CLGN: variants seen among roughly 807,000 people sequenced by gnomAD.
The protein encoded by CLGN is testis tissue sperm-binding protein Li 79P.
CLGN carries 62 observed loss-of-function variants against 79.1 expected under a neutral mutation model. That is an observed-to-expected ratio of 0.78 (90% CI 0.64 to 0.97). The LOEUF is 0.97. Among genes scored for constraint, CLGN ranks in the 50% least tolerant of loss-of-function variants. The probability of loss-of-function intolerance (pLI) is 0.00; values close to 1 mark genes in which losing one functional copy is unlikely to be tolerated. For synonymous variants in CLGN, 225 were observed against 224.7 expected (o/e 1.00, Z -0.01); for missense variants, 647 against 715.5 (o/e 0.90, Z 1.09).
chr4:140,398,434 A>C lies in CLGN; in HGVS notation c.884+417T>G, dbSNP rs111273804. 1.2e-4 allele frequency among the ~76,000 whole-genome samples: 18 copies of C among 151,870 alleles called. 1 individual carries two copies. Among genetic ancestry groups the C allele is most frequent in the African/African-American group, 3.6e-4 (15 of 41,442 alleles). On this transcript the variant is annotated intron_variant, in intron 8 of 14. Coordinates refer to ENST00000325617, the MANE Select transcript of CLGN (RefSeq NM_004362.3). ...ACAGGCACCCGCCGCCATGCCCGCT[A>C]ATTTTTGTGTTTTTAGTAGAGACGG...
At chr4:140,418,329 A>C (rs1729388143) in intron 1 of CLGN, among the ~76,000 whole-genome samples, 1 of 148,864 alleles carries the variant, frequency 6.7e-6, no homozygotes, top group African/African-American at 2.5e-5. Context: ...AAGCAATGGC[A>C]ACAAAAGCCA....
At chr4:140,421,108 T>C (rs1171514608) in intron 1 of CLGN, among the ~76,000 whole-genome samples, 1 of 152,304 alleles carries the variant, frequency 6.6e-6, no homozygotes, top group East Asian at 1.9e-4. Context: ...TGAAGCTTCA[T>C]CCATGTTGTA....
Position 140,392,706 on chromosome 4 carries a change from AC to A in CLGN, c.1370del (p.Gly457ValfsTer3). On this transcript the variant is annotated frameshift_variant, in exon 12 of 15. Coordinates refer to ENST00000325617, the MANE Select transcript of CLGN (RefSeq NM_004362.3). LOFTEE classifies it high-confidence loss of function. ...KIMIANANKP[G>X]VLKQLMAAAE... is the part of the protein sequence containing the mutation. ...CAGCTGCCATTAACTGTTTTAATAC[AC>A]CAGGCTATAGACGAGATAAGCATAA... is the stretch of plus-strand genomic sequence containing the variant. 1 of 1,592,392 alleles carries A rather than the reference AC, an allele frequency of 6.3e-7. No individual in the cohort carries two copies. Among genetic ancestry groups the A allele is most frequent in the Non-Finnish European group, 8.5e-7 (1 of 1,172,756 alleles).
chr4:140,410,133 A>G (rs1367998322), intron 3 of CLGN, among the ~76,000 whole-genome samples: 1 of 152,036 alleles, frequency 6.6e-6, no homozygotes, highest in Admixed American at 6.5e-5. Context: ...GGTACAAGAA[A>G]CCTCGGTTTC....
chr4:140,404,845 C>G (rs1214894713), intron 5 of CLGN, among the ~76,000 whole-genome samples: 1 of 151,578 alleles, frequency 6.6e-6, no homozygotes, highest in Non-Finnish European at 1.5e-5. Flanking sequence ...TTTGTAGAGT[C>G]GGGGTTTTGC....
intron 2 of CLGN, among the ~76,000 whole-genome samples, chr4:140,412,142 A>G (rs557542767): frequency 1.4e-4 from 22 of 152,142 alleles, no homozygotes; most frequent in Non-Finnish European, 2.5e-4. Context: ...CAGAGCTTCA[A>G]TTTAACAGGG....
chr4:140,403,002 T>C (rs943629688), intron 5 of CLGN, among the ~76,000 whole-genome samples: 2 of 152,138 alleles, frequency 1.3e-5, no homozygotes, highest in African/African-American at 4.8e-5. Context: ...TAAAACATGA[T>C]AGTATACAAA....
chr4:140,415,420 G>C (rs1729309141), intron 1 of CLGN, among the ~76,000 whole-genome samples: 1 of 151,592 alleles, frequency 6.6e-6, no homozygotes, highest in Non-Finnish European at 1.5e-5. Flanking sequence ...TGGATAAAGA[G>C]TCAAGACCCA....
chr4:140,389,117 T>C lies in CLGN; in HGVS notation c.*107A>G, dbSNP rs934887153. 4 of 805,460 alleles carry C rather than the reference T, an allele frequency of 5.0e-6. No individual in the cohort carries two copies. Among genetic ancestry groups the C allele is most frequent in the Non-Finnish European group, 8.3e-6 (4 of 483,792 alleles). 49.9% of individuals were successfully genotyped at this position (805,460 alleles called of 1,614,324 possible). ...AATGTCTGAAAGAATATAATGTTGCTAGATATTAGAAACAGGATGTGCAGA... is the reference window on the plus strand; with the variant it reads ...AATGTCTGAAAGAATATAATGTTGCCAGATATTAGAAACAGGATGTGCAGA... On this transcript the variant is annotated 3_prime_UTR_variant, in exon 15 of 15. Transcript: ENST00000325617.
intron 5 of CLGN, among the ~76,000 whole-genome samples, chr4:140,403,736 A>T (rs1456459299): frequency 1.3e-5 from 2 of 152,220 alleles, no homozygotes; most frequent in Non-Finnish European, 2.9e-5. Flanking sequence ...TCCATTTCTT[A>T]TACTGCAAAC....
Position 140,396,176 on chromosome 4 carries a change from T to C in CLGN, c.914A>G (p.Asp305Gly). 1 of 1,614,118 alleles carries C rather than the reference T, an allele frequency of 6.2e-7. No homozygotes were observed. The highest frequency in any genetic ancestry group is 8.5e-7 in the Non-Finnish European group (1 of 1,179,972). ...WDESEPAQIE[D>G]SSVVKPAGWL... The stretch of plus-strand genomic sequence containing the variant: ...GCCAGCAGGTTTAACAACACTTGAA[T>C]CTTCTATTTGGGCAGGTTCACTTTC... The change falls in exon 9 of 15, where the codon GAT becomes GGT. Residue 305 changes from aspartate (D) to glycine (G), a missense_variant. Physicochemically the swap from Asp to Gly is moderately conservative, Grantham distance 94. Coordinates refer to ENST00000325617, the MANE Select transcript of CLGN (RefSeq NM_004362.3).
Position 140,389,320 on chromosome 4 carries a change from A to T in CLGN, c.1753-16T>A, listed in dbSNP as rs1317383415. On this transcript the variant is annotated splice_polypyrimidine_tract_variant and intron_variant, in intron 14 of 14. Transcript: ENST00000325617. ...CTTCTTTCATCTAGAAAAAATAATT[A>T]TGAAAAGGTTTCTTTTAGTATAACA... 1 of 1,601,842 alleles carries T rather than the reference A, an allele frequency of 6.2e-7. No individual in the cohort carries two copies. Among genetic ancestry groups the T allele is most frequent in the African/African-American group, 1.3e-5 (1 of 74,636 alleles).
chr4:140,403,057 A>C (rs1729027699), intron 5 of CLGN, among the ~76,000 whole-genome samples: 2 of 152,168 alleles, frequency 1.3e-5, no homozygotes, highest in Non-Finnish European at 2.9e-5. Flanking sequence ...TTTGTATTAA[A>C]AAAAAGGAAA....
In CLGN at chr4:140,395,882, C is replaced by T. The variant is rs1413335502; in HGVS notation, c.1086G>A (p.Met362Ile). 1.3e-6 allele frequency: 2 copies of T among 1,599,024 alleles called. No individual in the cohort carries two copies. The highest frequency in any genetic ancestry group is 1.3e-5 in the African/African-American group (1 of 74,312). The change falls in exon 10 of 15, where the codon ATG becomes ATA. Residue 362 changes from methionine (M) to isoleucine (I), a missense_variant. Coordinates refer to ENST00000325617, the MANE Select transcript of CLGN (RefSeq NM_004362.3). ...CTCCTTTGTATTTTGGGTTATCTAT[C>T]ATGGGAGGTTTCCACTCACCACACC... ...RIGCGEWKPPMIDNPKYKGVW... is the reference protein window; with the variant it reads ...RIGCGEWKPPIIDNPKYKGVW...
Position 140,389,075 on chromosome 4 carries a change from A to C in CLGN, c.*149T>G, listed in dbSNP as rs562846869. ...TCAAAGTTGCTTCTTTTTCCTCTGA[A>C]ATGAAGGACTAAAATAAATGTCTGA... On this transcript the variant is annotated 3_prime_UTR_variant, in exon 15 of 15. Transcript: ENST00000325617. 6.0e-5 allele frequency: 37 copies of C among 620,748 alleles called. No homozygotes were observed. The African/African-American group carries it at 6.1e-4, about 10-fold the overall frequency. The allele number at this position is 620,748 out of a possible 1,614,324, so 38.5% of individuals were successfully genotyped here. A position where few individuals can be genotyped will look rare whatever the true frequency, so the allele number is the denominator to read the frequency against.
intron 5 of CLGN, among the ~76,000 whole-genome samples, chr4:140,402,456 A>AG (rs1432174221): frequency 6.6e-6 from 1 of 152,138 alleles, no homozygotes; most frequent in Non-Finnish European, 1.5e-5. Context: ...GGCCGTAAGA[A>AG]CCACAGCTAC....
In CLGN at chr4:140,388,982, T is replaced by C; in HGVS notation, c.*242A>G. ...ACAACTAAAACTGTGTAACTTCTAA[T>C]GGTATTAATCTCTTAGATCCGATAT... On this transcript the variant is annotated 3_prime_UTR_variant, in exon 15 of 15. Transcript: ENST00000325617. 2.3e-6 allele frequency: 1 copy of C among 441,302 alleles called. No homozygotes were observed. Among genetic ancestry groups the C allele is most frequent in the South Asian group, 3.9e-5 (1 of 25,318 alleles). 27.3% of individuals were successfully genotyped at this position (441,302 alleles called of 1,614,324 possible).
intron 1 of CLGN, among the ~76,000 whole-genome samples, chr4:140,421,747 G>A (rs1410802763): frequency 6.6e-6 from 1 of 151,948 alleles, no homozygotes; most frequent in Non-Finnish European, 1.5e-5. Context: ...CCATTGCATA[G>A]GTTTTTCATT....
intron 5 of CLGN, among the ~76,000 whole-genome samples, chr4:140,404,149 A>G (rs766365311): frequency 3.3e-5 from 5 of 151,720 alleles, no homozygotes; most frequent in Admixed American, 6.6e-5. Context: ...GCTGGAGTGC[A>G]GTGGCATGAT....
Sources: gnomAD v4.1 joint callset for allele counts (sites outside exome capture counted in the v4.1 genomes callset) on GRCh38, gnomAD v4.1.1 for gene constraint, MANE v1.5 for transcripts, NCBI Gene and HGNC (gene_info 2026-07-23, HGNC 2026-07-21) for gene names.